SNTG1: variants seen among roughly 807,000 people sequenced by gnomAD.
The protein encoded by SNTG1 is gamma-1-syntrophin.
A neutral mutation model predicts 74.7 loss-of-function variants in SNTG1; 39 were observed. The observed-to-expected ratio is 0.52, with a 90% confidence interval of 0.40 to 0.68. SNTG1 has a LOEUF of 0.68. Among genes scored for constraint, SNTG1 ranks in the 30% least tolerant of loss-of-function variants. The pLI is 0.00. For synonymous variants in SNTG1, 254 were observed against 217.1 expected, an observed-to-expected ratio of 1.17 and a Z score of -1.49; for missense variants, 685 against 609.5, an observed-to-expected ratio of 1.12 and a Z score of -1.30.
At chr8:50,309,785 T>C (rs1484973933) in intron 2 of SNTG1, among the ~76,000 whole-genome samples, 1 of 152,116 alleles carries the variant, frequency 6.6e-6, no homozygotes, top group Non-Finnish European at 1.5e-5. Context: ...CTTCCAAAAG[T>C]TTTTAAGACC....
At chr8:50,430,027 A>G (rs1053090030) in intron 4 of SNTG1, among the ~76,000 whole-genome samples, 8 of 152,280 alleles carry the variant, frequency 5.3e-5, no homozygotes, top group East Asian at 1.9e-4. Flanking sequence ...TGACATGGCC[A>G]CATTGAAAAA....
intron 18 of SNTG1, among the ~76,000 whole-genome samples, chr8:50,781,325 T>A (rs989666860): frequency 6.6e-6 from 1 of 152,078 alleles, no homozygotes; most frequent in Non-Finnish European, 1.5e-5. Context: ...CCCATTATTA[T>A]TGTGTGGGAG....
At chr8:50,674,411 A>G (rs528547406) in intron 15 of SNTG1, among the ~76,000 whole-genome samples, 15 of 151,996 alleles carry the variant, frequency 9.9e-5, no homozygotes, top group Middle Eastern at 3.4e-3. Context: ...GGGAGGGTGT[A>G]TGTGTCCAGG....
At chr8:50,422,396 G>T (rs1041965781) in intron 4 of SNTG1, among the ~76,000 whole-genome samples, 3 of 152,174 alleles carry the variant, frequency 2.0e-5, no homozygotes, top group African/African-American at 4.8e-5. Context: ...TGTATAGAAC[G>T]TACAGCAGAT....
At chr8:50,115,738 T>A (rs1214096091) in intron 1 of SNTG1, among the ~76,000 whole-genome samples, 1 of 151,930 alleles carries the variant, frequency 6.6e-6, no homozygotes, top group African/African-American at 2.4e-5. Flanking sequence ...CATTTTATTG[T>A]TTACATTACA....
chr8:50,531,918 C>A (rs2094271659), intron 10 of SNTG1, among the ~76,000 whole-genome samples: 2 of 152,118 alleles, frequency 1.3e-5, no homozygotes, highest in Admixed American at 6.6e-5. Context: ...GGGTAGAAAT[C>A]ATTCTGGTTT....
chr8:50,331,372 G>A (rs2090960805), intron 2 of SNTG1, among the ~76,000 whole-genome samples: 1 of 152,158 alleles, frequency 6.6e-6, no homozygotes, highest in Non-Finnish European at 1.5e-5. Flanking sequence ...GCATGAACTT[G>A]AGACCAAAAC....
At chr8:50,435,977 T>C (rs2093298047) in intron 4 of SNTG1, among the ~76,000 whole-genome samples, 2 of 152,132 alleles carry the variant, frequency 1.3e-5, no homozygotes, top group African/African-American at 4.8e-5. Flanking sequence ...GCGATGCTTG[T>C]TGTTTCTGTC....
intron 1 of SNTG1, among the ~76,000 whole-genome samples, chr8:50,134,228 A>G (rs1183879159): frequency 1.3e-5 from 2 of 152,180 alleles, no homozygotes; most frequent in South Asian, 2.1e-4. Context: ...AATTCCAGCC[A>G]TTATCATGGC....
At position 50,623,694 on chromosome 8, in the gene SNTG1, T is replaced by C. The variant is rs548425973; in HGVS notation, c.849+32777T>C. Reference sequence around the variant, plus strand: ...ATCATGAAGTATTTGAAAATATTTGTTTTTATATATTGATTTTAAAATCAA... The same window carrying C: ...ATCATGAAGTATTTGAAAATATTTGCTTTTATATATTGATTTTAAAATCAA... On this transcript the variant is annotated intron_variant, in intron 13 of 18. Transcript: ENST00000642720. Among the ~76,000 whole-genome samples the C allele has an allele frequency of 8.0e-4, 122 of 151,940 alleles. 1 individual carries two copies. The highest frequency in any genetic ancestry group is 2.8e-3 in the African/African-American group (118 of 41,422).
At chr8:50,587,286 A>G (rs2094656609) in intron 12 of SNTG1, among the ~76,000 whole-genome samples, 1 of 152,070 alleles carries the variant, frequency 6.6e-6, no homozygotes, top group African/African-American at 2.4e-5. Flanking sequence ...ACTGCATAAA[A>G]CTGCCTTGAA....
At chr8:50,314,331 C>A (rs568629036) in intron 2 of SNTG1, among the ~76,000 whole-genome samples, 1 of 149,392 alleles carries the variant, frequency 6.7e-6, no homozygotes, top group African/African-American at 2.5e-5. Flanking sequence ...GGACATGCTT[C>A]AGTGTAGCTA....
Position 50,323,077 on chromosome 8 carries a change from C to A in SNTG1, c.-27-71135C>A, listed in dbSNP as rs1444300048. ...GTTGCAAGATTGCACCACTGCACTC[C>A]AGCCTGGGCAACAGAGCAAGACTTG... is the stretch of plus-strand genomic sequence containing the variant. On this transcript the variant is annotated intron_variant, in intron 2 of 18. Coordinates refer to ENST00000642720, the MANE Select transcript of SNTG1 (RefSeq NM_018967.5). 2.0e-5 allele frequency among the ~76,000 whole-genome samples: 3 copies of A among 149,718 alleles called. No individual in the cohort carries two copies. The East Asian group carries it at 6.0e-4, about 30-fold the overall frequency.
chr8:50,397,812 C>T (rs17778411), intron 3 of SNTG1, among the ~76,000 whole-genome samples: 7,352 of 152,200 alleles, frequency 0.048, 240 homozygotes, highest in Non-Finnish European at 0.07. Flanking sequence ...GCCTAGCTGC[C>T]TGTGTTGAAT....
At chr8:50,572,189 G>C (rs566521992) in intron 12 of SNTG1, among the ~76,000 whole-genome samples, 2 of 151,408 alleles carry the variant, frequency 1.3e-5, no homozygotes, top group Non-Finnish European at 2.9e-5. Flanking sequence ...TACTCCTATA[G>C]CATCTTGTTA....
intron 17 of SNTG1, among the ~76,000 whole-genome samples, chr8:50,717,026 G>A (rs891856418): frequency 2.0e-5 from 3 of 152,044 alleles, no homozygotes; most frequent in African/African-American, 4.8e-5. Context: ...GTGAGCCACC[G>A]CGCCCAGCTC....
At chr8:50,085,641 G>A (rs947530979) in intron 1 of SNTG1, among the ~76,000 whole-genome samples, 2 of 152,166 alleles carry the variant, frequency 1.3e-5, no homozygotes, top group African/African-American at 4.8e-5. Flanking sequence ...GCTGCAGTCT[G>A]CACTGCATGC....
chr8:50,485,682 C>A (rs928987999), intron 8 of SNTG1, among the ~76,000 whole-genome samples: 41 of 150,822 alleles, frequency 2.7e-4, no homozygotes, highest in Middle Eastern at 3.4e-3. Flanking sequence ...TAATTAGATC[C>A]CATTTGTCAA....
At position 50,701,579 on chromosome 8, in the gene SNTG1, TTTCTTCCTCTTC is replaced by T. The variant is rs1003851871; in HGVS notation, c.1039-3014_1039-3003del. On this transcript the variant is annotated intron_variant, in intron 15 of 18. Transcript: ENST00000642720. ...TCAATCTATTGTGATATAATACCTT[TTTCTTCCTCTTC>T]TTCTTCTTCTTCTTCTTCTTCTTCT... Among the ~76,000 whole-genome samples, 8 of 83,756 alleles carry T rather than the reference TTTCTTCCTCTTC, an allele frequency of 9.6e-5. 1 individual carries two copies. The highest frequency in any genetic ancestry group is 7.4e-4 in the African/African-American group (7 of 9,438). The allele number at this position is 83,756 out of a possible 152,430, so 54.9% of individuals were successfully genotyped here. A position where few individuals can be genotyped will look rare whatever the true frequency, so the allele number is the denominator to read the frequency against.
Sources: gnomAD v4.1 joint callset for allele counts (sites outside exome capture counted in the v4.1 genomes callset) on GRCh38, gnomAD v4.1.1 for gene constraint, MANE v1.5 for transcripts, NCBI Gene and HGNC (gene_info 2026-07-23, HGNC 2026-07-21) for gene names.